The following ABCC12 variants were observed in gnomAD, a reference collection of about 807,000 sequenced individuals.
ABCC12 encodes the protein ATP binding cassette subfamily C member 12.
Under a neutral mutation model 151.1 loss-of-function variants are expected in ABCC12, and 142 were observed. The ratio of observed to expected loss-of-function variants is 0.94; its 90% CI spans 0.82 to 1.08. ABCC12 has a LOEUF of 1.08. Among genes scored for constraint, ABCC12 ranks in the 50% least tolerant of loss-of-function variants. The pLI is 0.00. For missense variants in ABCC12, 1,638 were observed against 1,691.1 expected, an observed-to-expected ratio of 0.97 and a Z score of 0.55; for synonymous variants, 645 against 646.4, an observed-to-expected ratio of 1.00 and a Z score of 0.03.
chr16:48,101,715 A>T (rs1456998449), intron 22 of ABCC12, among the ~76,000 whole-genome samples: 2 of 152,078 alleles, frequency 1.3e-5, no homozygotes, highest in Non-Finnish European at 2.9e-5. Flanking sequence ...AAGCAGGACG[A>T]GCTCTGGTCT....
intron 3 of ABCC12, among the ~76,000 whole-genome samples, chr16:48,145,645 T>C (rs916549399): frequency 1.3e-5 from 2 of 152,240 alleles, no homozygotes; most frequent in African/African-American, 2.4e-5. Context: ...CTGTCACTCA[T>C]TCCCTTGGAA....
chr16:48,128,318 G>A (rs1964306080), intron 11 of ABCC12, 141 bp downstream of exon 11: 1 of 1,288,026 alleles, frequency 7.8e-7, no homozygotes, highest in South Asian at 1.5e-5. Flanking sequence ...TTAAAACTGG[G>A]GGAAAAATAC....
At chr16:48,127,552 T>C (rs971542501) in intron 11 of ABCC12, among the ~76,000 whole-genome samples, 1 of 152,204 alleles carries the variant, frequency 6.6e-6, no homozygotes, top group Non-Finnish European at 1.5e-5. Flanking sequence ...CCAGGTGCCC[T>C]GGGTATGAAA....
Position 48,105,487 on chromosome 16 carries a change from C to T in ABCC12, c.2476-151G>A, listed in dbSNP as rs571671332. Reference sequence around the variant, plus strand: ...AGGTGGATACAATCTAGTCTGTTCCCTTCTGGGGCCTCTGAGCTTTGTGGG... The same window carrying T: ...AGGTGGATACAATCTAGTCTGTTCCTTTCTGGGGCCTCTGAGCTTTGTGGG... On this transcript the variant is annotated intron_variant, in intron 20 of 30. Coordinates refer to ENST00000311303, the MANE Select transcript of ABCC12 (RefSeq NM_001393797.1). 6.3e-4 allele frequency: 512 copies of T among 809,544 alleles called. 7 individuals are homozygous for T. In the South Asian group the frequency reaches 8.5e-3, roughly 13 times the overall value. 50.1% of individuals were successfully genotyped at this position (809,544 alleles called of 1,614,324 possible). A position where few individuals can be genotyped will look rare whatever the true frequency, so the allele number is the denominator to read the frequency against.
At chr16:48,098,990 G>A (rs1422435491) in intron 23 of ABCC12, among the ~76,000 whole-genome samples, 2 of 152,176 alleles carry the variant, frequency 1.3e-5, no homozygotes, top group African/African-American at 2.4e-5. Context: ...CTTGACAAAC[G>A]ATGTTCAGGT....
At chr16:48,139,781 A>G (rs1158048191) in intron 6 of ABCC12, among the ~76,000 whole-genome samples, 2 of 152,166 alleles carry the variant, frequency 1.3e-5, no homozygotes, top group African/African-American at 4.8e-5. Flanking sequence ...GTAGAATGGG[A>G]CATTTGTGAT....
chr16:48,138,416 T>C, intron 7 of ABCC12, 41 bp from the exon 8 acceptor site: 1 of 1,577,294 alleles, frequency 6.3e-7, no homozygotes, highest in Non-Finnish European at 8.7e-7. Context: ...AGAGAAGTGC[T>C]GAGTTGCAGC....
chr16:48,133,749 T>C lies in ABCC12; in HGVS notation c.1066A>G (p.Ile356Val), dbSNP rs773417201. 6.2e-7 allele frequency: 1 copy of C among 1,613,986 alleles called. No individual in the cohort carries two copies. Among genetic ancestry groups the C allele is most frequent in the African/African-American group, 1.3e-5 (1 of 74,902 alleles). ...CAGGATAATGTCAGCACGATGGCTA[T>C]GGTGGACACGATGGGGGCCAGGGCA... is the stretch of plus-strand genomic sequence containing the variant. ...NSALAPIVST[I>V]AIVLTLSCHI... Residue 356 changes from isoleucine (I) to valine (V), a missense_variant, in exon 9 of 31, where the codon ATA becomes GTA. Coordinates refer to ENST00000311303, the MANE Select transcript of ABCC12 (RefSeq NM_001393797.1).
rs766181366 is a variant in ABCC12 at position 48,083,968 on chromosome 16, C to T, written c.3934G>A (p.Ala1312Thr). ...AFKGCTVLTIAHRLNTVLNCD... is the reference protein window; with the variant it reads ...AFKGCTVLTITHRLNTVLNCD... ...TTGAGAACTGTGTTGAGGCGGTGGG[C>T]GATGGTCAGCACAGTGCAGCCCTTG... Residue 1312 changes from alanine to threonine, a missense_variant, in exon 30 of 31, where the codon GCC (alanine) becomes ACC (threonine). Transcript: ENST00000311303. 4.6e-5 allele frequency: 74 copies of T among 1,612,210 alleles called. No individual in the cohort carries two copies. The highest frequency in any genetic ancestry group is 1.7e-4 in the African/African-American group (13 of 74,596).
At position 48,083,955 on chromosome 16, in the gene ABCC12, T is replaced by C. The variant is rs1962465406; in HGVS notation, c.3947A>G (p.Asn1316Ser). Residue 1316 changes from asparagine to serine, a missense_variant, in exon 30 of 31, where the codon AAC (asparagine) becomes AGC (serine). Coordinates refer to ENST00000311303, the MANE Select transcript of ABCC12 (RefSeq NM_001393797.1). The part of the protein sequence containing the change: ...CTVLTIAHRL[N>S]TVLNCDHVLV... ...GACGTGATCGCAGTTGAGAACTGTG[T>C]TGAGGCGGTGGGCGATGGTCAGCAC... The C allele has an allele frequency of 6.2e-7, 1 of 1,613,302 alleles. No homozygotes were observed. Among genetic ancestry groups the C allele is most frequent in the Admixed American group, 1.7e-5 (1 of 59,758 alleles).
At chr16:48,096,713 C>T (rs567163495) in intron 24 of ABCC12, 33 bp downstream of exon 24, 1 of 1,612,388 alleles carries the variant, frequency 6.2e-7, no homozygotes, top group African/African-American at 1.3e-5. Flanking sequence ...GCCGGAGCCT[C>T]CAGACTAAGC....
intron 4 of ABCC12, among the ~76,000 whole-genome samples, chr16:48,143,435 C>A (rs1964888702): frequency 6.6e-6 from 1 of 152,192 alleles, no homozygotes; most frequent in Non-Finnish European, 1.5e-5. Flanking sequence ...TGTCATTTTC[C>A]ATGTTGGGGA....
Position 48,104,343 on chromosome 16 carries a change from AAGAAACT to A in ABCC12, c.2692_2698del (p.Ser898LeufsTer9). The A allele has an allele frequency of 6.2e-7, 1 of 1,614,240 alleles. No individual in the cohort carries two copies. Among genetic ancestry groups the A allele is most frequent in the Non-Finnish European group, 8.5e-7 (1 of 1,180,044 alleles). ...TAGCCTGCCAGTGGGAGTCGTGTCAAAGAAACTCATTGGGCTCTTTAAGATCTGTGGA... is the reference window on the plus strand; with the variant it reads ...TAGCCTGCCAGTGGGAGTCGTGTCAACATTGGGCTCTTTAAGATCTGTGGA... On this transcript the variant is annotated frameshift_variant, in exon 22 of 31. Transcript: ENST00000311303. LOFTEE classifies it high-confidence loss of function.
chr16:48,130,812 C>T lies in ABCC12; in HGVS notation c.1212G>A (p.Ala404=), dbSNP rs765193471. 1.6e-5 allele frequency: 25 copies of T among 1,612,692 alleles called. No individual in the cohort carries two copies. The highest frequency in any genetic ancestry group is 4.5e-5 in the East Asian group (2 of 44,884). The change falls in exon 10 of 31, where the codon GCG becomes GCA. Residue 404 remains alanine (A), a synonymous_variant. Transcript: ENST00000311303. ...CCTTCATTCTCCTTAGAGAGACATT[C>T]GCTTCAGCCATTGCTTTGATGGAGA... ...LPFSIKAMAE[A]NVSLRRMKKI...
chr16:48,105,651 A>T (rs1005930162), intron 20 of ABCC12, among the ~76,000 whole-genome samples: 1 of 152,190 alleles, frequency 6.6e-6, no homozygotes, highest in African/African-American at 2.4e-5. Flanking sequence ...GACCAGAAGC[A>T]ATGCTGGGCT....
chr16:48,125,823 A>G (rs952393753), intron 11 of ABCC12, among the ~76,000 whole-genome samples: 2 of 152,134 alleles, frequency 1.3e-5, no homozygotes, highest in Non-Finnish European at 2.9e-5. Context: ...TTCCTTAAAC[A>G]AGGTCTTTGC....
chr16:48,124,123 G>T, intron 12 of ABCC12, 90 bp downstream of exon 12: 1 of 1,366,148 alleles, frequency 7.3e-7, no homozygotes. Flanking sequence ...TGCAGCCGAG[G>T]CCATCTGCTG....
At chr16:48,103,679 C>T (rs999247810) in intron 22 of ABCC12, among the ~76,000 whole-genome samples, 2 of 152,142 alleles carry the variant, frequency 1.3e-5, no homozygotes, top group Non-Finnish European at 2.9e-5. Flanking sequence ...AGCAGGGAGC[C>T]GGGCAGGTCT....
In ABCC12 at chr16:48,086,820, C is replaced by T; in HGVS notation, c.3636-1G>A. The T allele has an allele frequency of 6.2e-7, 1 of 1,612,696 alleles. No individual in the cohort carries two copies. Among genetic ancestry groups the T allele is most frequent in the South Asian group, 1.1e-5 (1 of 91,054 alleles). ...ACTCTCAAAGGGATCCAAGTTGTAC[C>T]TGCAATGAAGGAGAGGAGAGGACAG... is the stretch of plus-strand genomic sequence containing the variant. On this transcript the variant is annotated splice_acceptor_variant, in intron 27 of 30. Coordinates refer to ENST00000311303, the MANE Select transcript of ABCC12 (RefSeq NM_001393797.1). LOFTEE classifies it high-confidence loss of function.
Sources: gnomAD v4.1 joint callset for allele counts (sites outside exome capture counted in the v4.1 genomes callset) on GRCh38, gnomAD v4.1.1 for gene constraint, MANE v1.5 for transcripts, NCBI Gene and HGNC (gene_info 2026-07-23, HGNC 2026-07-21) for gene names.